RFX8: variants seen among roughly 807,000 people sequenced by gnomAD.
The protein encoded by RFX8 is DNA-binding protein RFX8.
In RFX8, 46 loss-of-function variants were observed where a neutral mutation model predicts 54.6. The observed-to-expected ratio is 0.84, with a 90% confidence interval of 0.67 to 1.08. The LOEUF is 1.08. Among genes scored for constraint, RFX8 ranks in the 50% least tolerant of loss-of-function variants. The pLI, the probability that RFX8 is intolerant of heterozygous loss-of-function variation, is 0.00. For missense variants in RFX8, 536 were observed against 562.3 expected, an observed-to-expected ratio of 0.95 and a Z score of 0.47; for synonymous variants, 192 against 209.5, an observed-to-expected ratio of 0.92 and a Z score of 0.72.
intron 10 of RFX8, among the ~76,000 whole-genome samples, chr2:101,405,471 T>C (rs999438418): frequency 2.2e-4 from 34 of 152,036 alleles, no homozygotes; most frequent in African/African-American, 6.5e-4. Flanking sequence ...TATAAGGCAA[T>C]TGCATCAAAG....
intron 2 of RFX8, among the ~76,000 whole-genome samples, chr2:101,451,200 A>G (rs1297161834): frequency 6.6e-6 from 1 of 152,086 alleles, no homozygotes; most frequent in Non-Finnish European, 1.5e-5. Flanking sequence ...TTATTGCCCA[A>G]TATTAGGTTT....
At chr2:101,402,792 G>A (rs773922050) in intron 10 of RFX8, 40 bp from the exon 11 acceptor site, 3 of 1,485,144 alleles carry the variant, frequency 2.0e-6, no homozygotes, top group African/African-American at 1.4e-5. Flanking sequence ...ACATTTGATC[G>A]ACAGACAATA....
intron 1 of RFX8, among the ~76,000 whole-genome samples, chr2:101,467,259 G>A (rs1240740135): frequency 6.6e-6 from 1 of 152,194 alleles, no homozygotes; most frequent in Non-Finnish European, 1.5e-5. Context: ...TAACTACAAA[G>A]TGGAGAATTA....
intron 10 of RFX8, among the ~76,000 whole-genome samples, chr2:101,405,290 G>A (rs1048496563): frequency 1.3e-5 from 2 of 151,984 alleles, no homozygotes; most frequent in East Asian, 1.9e-4. Context: ...GGGATTACAA[G>A]CGTCCGCCAC....
chr2:101,402,809 T>TA, intron 10 of RFX8, 57 bp from the exon 11 acceptor site: 1 of 1,448,710 alleles, frequency 6.9e-7, no homozygotes, highest in Non-Finnish European at 9.3e-7. Context: ...AATAAACAAA[T>TA]CATTGTGAAA....
At chr2:101,457,171 G>T (rs1190618805) in intron 2 of RFX8, among the ~76,000 whole-genome samples, 1 of 152,032 alleles carries the variant, frequency 6.6e-6, no homozygotes, top group African/African-American at 2.4e-5. Flanking sequence ...TGGATTCATT[G>T]ATTTTTTTGA....
At chr2:101,464,447 G>A (rs1456467480) in intron 2 of RFX8, among the ~76,000 whole-genome samples, 4 of 152,192 alleles carry the variant, frequency 2.6e-5, no homozygotes, top group Admixed American at 2.0e-4. Context: ...ATCTGCACAG[G>A]AACTTGGTGA....
At chr2:101,440,563 A>G (rs968091219) in intron 2 of RFX8, among the ~76,000 whole-genome samples, 8 of 152,194 alleles carry the variant, frequency 5.3e-5, no homozygotes, top group African/African-American at 1.9e-4. Context: ...TGAACTTTGT[A>G]TGATCCCTCA....
chr2:101,415,143 A>G (rs1025728715), intron 6 of RFX8, among the ~76,000 whole-genome samples: 2 of 152,104 alleles, frequency 1.3e-5, no homozygotes, highest in African/African-American at 4.8e-5. Flanking sequence ...AGCATCTGAC[A>G]TGCGTGCTAC....
intron 3 of RFX8, 81 bp from the exon 4 acceptor site, chr2:101,421,858 T>C: frequency 2.0e-6 from 2 of 1,004,010 alleles, no homozygotes; most frequent in Non-Finnish European, 3.0e-6. Context: ...TCTGAAGCTC[T>C]CAGAGGCCGC....
intron 11 of RFX8, among the ~76,000 whole-genome samples, chr2:101,400,016 C>G (rs1256640123): frequency 6.6e-6 from 1 of 152,094 alleles, no homozygotes; most frequent in African/African-American, 2.4e-5. Flanking sequence ...TTACCCAACC[C>G]CTTCAAGATC....
At chr2:101,415,136 A>G (rs758359139) in intron 6 of RFX8, among the ~76,000 whole-genome samples, 19 of 152,086 alleles carry the variant, frequency 1.2e-4, no homozygotes, top group Non-Finnish European at 2.2e-4. Context: ...TAACCCCAGC[A>G]TCTGACATGC....
intron 2 of RFX8, among the ~76,000 whole-genome samples, chr2:101,431,753 C>T (rs758568941): frequency 1.3e-5 from 2 of 152,086 alleles, no homozygotes; most frequent in Non-Finnish European, 2.9e-5. Context: ...AATGGTACTC[C>T]CAAGTTTCTG....
chr2:101,436,203 G>A (rs2148951149), intron 2 of RFX8, among the ~76,000 whole-genome samples: 1 of 152,262 alleles, frequency 6.6e-6, no homozygotes, highest in East Asian at 1.9e-4. Context: ...GGAGATAAGG[G>A]CTTATCTTGA....
At chr2:101,416,688 G>T (rs771118363) in intron 6 of RFX8, among the ~76,000 whole-genome samples, 7 of 152,168 alleles carry the variant, frequency 4.6e-5, no homozygotes, top group Non-Finnish European at 1.0e-4. Context: ...GAGAAAATGG[G>T]TATTTCCAGG....
At chr2:101,464,809 A>G (rs1689486783) in intron 2 of RFX8, among the ~76,000 whole-genome samples, 1 of 152,136 alleles carries the variant, frequency 6.6e-6, no homozygotes, top group Non-Finnish European at 1.5e-5. Flanking sequence ...CATGAAGGTG[A>G]AACAGCCTTA....
At chr2:101,434,272 T>C (rs1257099778) in intron 2 of RFX8, among the ~76,000 whole-genome samples, 4 of 152,222 alleles carry the variant, frequency 2.6e-5, no homozygotes, top group African/African-American at 9.6e-5. Context: ...AGATATCAAT[T>C]TTTTGAAACT....
At chr2:101,408,880 A>C (rs1180673874) in intron 9 of RFX8, among the ~76,000 whole-genome samples, 1 of 152,198 alleles carries the variant, frequency 6.6e-6, no homozygotes, top group Non-Finnish European at 1.5e-5. Flanking sequence ...CTGAGAGTTC[A>C]GGGATACAGA....
intron 2 of RFX8, among the ~76,000 whole-genome samples, chr2:101,427,666 A>C (rs1687254295): frequency 6.6e-6 from 1 of 152,174 alleles, no homozygotes; most frequent in African/African-American, 2.4e-5. Context: ...TCTTCAGTGC[A>C]GCCCTCTCTA....
Sources: gnomAD v4.1 joint callset for allele counts (sites outside exome capture counted in the v4.1 genomes callset) on GRCh38, gnomAD v4.1.1 for gene constraint, MANE v1.5 for transcripts, NCBI Gene and HGNC (gene_info 2026-07-23, HGNC 2026-07-21) for gene names.